UGT1A9: variants seen among roughly 807,000 people sequenced by gnomAD.
The protein encoded by UGT1A9 is UDP-glucuronosyltransferase 1A9.
A neutral mutation model predicts 45.0 loss-of-function variants in UGT1A9; 35 were observed. That is an observed-to-expected ratio of 0.78 (90% confidence interval 0.59 to 1.03). UGT1A9 has a LOEUF of 1.03. UGT1A9 is among the 50% of genes least tolerant of loss of function. UGT1A9 has a pLI of 0.00. For missense variants in UGT1A9, 687 were observed against 666.6 expected (o/e 1.03, Z -0.34); for synonymous variants, 278 against 250.6 (o/e 1.11, Z -1.03).
At chr2:233,693,417 T>A in intron 1 of UGT1A9, 1 of 1,614,112 alleles carries the variant, frequency 6.2e-7, no homozygotes, top group Non-Finnish European at 8.5e-7. Flanking sequence ...ACCCTGAACT[T>A]CTTTAAGGAG....
At chr2:233,673,483 C>T (rs2074259573) in intron 1 of UGT1A9, among the ~76,000 whole-genome samples, 2 of 152,030 alleles carry the variant, frequency 1.3e-5, no homozygotes, top group South Asian at 2.1e-4. Context: ...CATATTCTTG[C>T]TTTTATCTTA....
chr2:233,677,138 A>G (rs532182444), intron 1 of UGT1A9, among the ~76,000 whole-genome samples: 1 of 152,314 alleles, frequency 6.6e-6, no homozygotes, highest in Admixed American at 6.5e-5. Context: ...ACTGGGGAGA[A>G]ACAACATCTT....
intron 4 of UGT1A9, chr2:233,771,538 C>A (rs1369830347): frequency 1.3e-5 from 2 of 152,274 alleles, no homozygotes; most frequent in Non-Finnish European, 2.9e-5. Context: ...GGATTTGGCA[C>A]TTACAAATGG....
Position 233,729,304 on chromosome 2 carries a change from G to A in UGT1A9, c.856-37730G>A, listed in dbSNP as rs779287318. ...CCATGCCAGAGGCCACCAGGCAGTG[G>A]TCCTCACCCCAGAGGTGAATATGCA... is the stretch of plus-strand genomic sequence containing the variant. On this transcript the variant is annotated intron_variant, in intron 1 of 4. Transcript: ENST00000354728. 10 of 1,614,264 alleles carry A rather than the reference G, an allele frequency of 6.2e-6. No homozygotes were observed. In the South Asian group the frequency reaches 1.1e-4, roughly 18 times the overall value.
intron 1 of UGT1A9, among the ~76,000 whole-genome samples, chr2:233,738,666 G>A (rs919948655): frequency 6.6e-6 from 1 of 152,198 alleles, no homozygotes; most frequent in Non-Finnish European, 1.5e-5. Flanking sequence ...GAACTTGAGA[G>A]AGATGATCTG....
At chr2:233,708,414 C>A (rs2076017476) in intron 1 of UGT1A9, 1 of 152,100 alleles carries the variant, frequency 6.6e-6, no homozygotes, top group Admixed American at 6.6e-5. Flanking sequence ...AGTTGTTTCA[C>A]CAGTGAAGAT....
intron 1 of UGT1A9, among the ~76,000 whole-genome samples, chr2:233,678,518 CTG>C (rs973088303): frequency 5.3e-5 from 8 of 152,070 alleles, no homozygotes; most frequent in Admixed American, 5.2e-4. Flanking sequence ...TAATTACTGT[CTG>C]TTTTTTTCTC....
chr2:233,761,183 A>G (rs753887460), intron 1 of UGT1A9: 42 of 1,614,074 alleles, frequency 2.6e-5, no homozygotes, highest in Non-Finnish European at 3.5e-5. Context: ...TTACATGCGT[A>G]TATTCTTTCA....
In UGT1A9 at chr2:233,768,066, C is replaced by T; in HGVS notation, c.1075+130C>T. The T allele has an allele frequency of 1.9e-6, 3 of 1,597,468 alleles. No homozygotes were observed. In the Admixed American group the frequency reaches 5.2e-5, roughly 28 times the overall value. On this transcript the variant is annotated intron_variant, in intron 3 of 4. Coordinates refer to ENST00000354728, the MANE Select transcript of UGT1A9 (RefSeq NM_021027.3). ...CAACATATCCTACATTGCTTTTTAT[C>T]TAGTGGGGTATCTCAACCCACATTT...
chr2:233,735,046 T>C (rs895113176), intron 1 of UGT1A9, among the ~76,000 whole-genome samples: 2 of 152,242 alleles, frequency 1.3e-5, no homozygotes, highest in African/African-American at 4.8e-5. Flanking sequence ...GGTGCAGAGC[T>C]GAGTTCAGGT....
chr2:233,769,869 A>T lies in UGT1A9; in HGVS notation c.1295+1430A>T, dbSNP rs988879005. Reference sequence around the variant, plus strand: ...TGAGACCCTGTCTCAAAAAAAAAAAAAAAAATGAAAAGTCCACATAACCTG... The same window carrying T: ...TGAGACCCTGTCTCAAAAAAAAAAATAAAAATGAAAAGTCCACATAACCTG... On this transcript the variant is annotated intron_variant, in intron 4 of 4. Transcript: ENST00000354728. This position sits in a 1 kb window ranked among gnomAD's most constrained non-coding sequence, Gnocchi z 4.4. The T allele has an allele frequency of 3.7e-5, 17 of 465,504 alleles. No individual in the cohort carries two copies. Among genetic ancestry groups the T allele is most frequent in the Non-Finnish European group, 6.1e-5 (17 of 276,814 alleles). The allele number at this position is 465,504 out of a possible 1,614,324, so 28.8% of individuals were successfully genotyped here. A position where few individuals can be genotyped will look rare whatever the true frequency, so the allele number is the denominator to read the frequency against.
intron 1 of UGT1A9, chr2:233,691,054 G>A (rs1435812829): frequency 1.5e-5 from 15 of 987,344 alleles, no homozygotes; most frequent in African/African-American, 3.5e-5. Flanking sequence ...GCAGAGTGGA[G>A]GTCTAGTATA....
chr2:233,751,620 T>A (rs1457712151), intron 1 of UGT1A9, among the ~76,000 whole-genome samples: 2 of 152,180 alleles, frequency 1.3e-5, no homozygotes, highest in Non-Finnish European at 2.9e-5. Flanking sequence ...GGTGATTGGA[T>A]CATGTGTGCA....
At chr2:233,770,670 A>C (rs1409019520) in intron 4 of UGT1A9, 2 of 152,132 alleles carry the variant, frequency 1.3e-5, no homozygotes, top group Non-Finnish European at 2.9e-5. Flanking sequence ...TTAAAAAAAA[A>C]AAAAAGAAGG....
chr2:233,772,386 G>A lies in UGT1A9; in HGVS notation c.1420G>A (p.Ala474Thr), dbSNP rs765612353. 2.0e-5 allele frequency: 33 copies of A among 1,614,110 alleles called. No homozygotes were observed. Among genetic ancestry groups the A allele is most frequent in the Middle Eastern group, 1.6e-4 (1 of 6,084 alleles). ...CAAGGGCGCGCCACACCTGCGCCCC[G>A]CAGCCCACGACCTCACCTGGTACCA... The part of the protein sequence containing the change: ...RHKGAPHLRP[A>T]AHDLTWYQYH... Residue 474 changes from alanine to threonine, a missense_variant, in exon 5 of 5, where the codon GCA becomes ACA. Coordinates refer to ENST00000354728, the MANE Select transcript of UGT1A9 (RefSeq NM_021027.3).
Position 233,772,633 on chromosome 2 carries a change from T to G in UGT1A9, c.*74T>G. The G allele has an allele frequency of 6.4e-7, 1 of 1,555,996 alleles. No homozygotes were observed. Among genetic ancestry groups the G allele is most frequent in the Non-Finnish European group, 8.7e-7 (1 of 1,149,842 alleles). On this transcript the variant is annotated 3_prime_UTR_variant, in exon 5 of 5. Transcript: ENST00000354728. ...TCCAAACTTGAAAACAGAATCAGTG[T>G]TAAATTCATTTTATTCTTATTAAGG... is the stretch of plus-strand genomic sequence containing the variant.
At chr2:233,713,778 A>G (rs1288878856) in intron 1 of UGT1A9, 1 of 1,613,946 alleles carries the variant, frequency 6.2e-7, no homozygotes, top group East Asian at 2.2e-5. Flanking sequence ...GGACTTTGTG[A>G]TGGATTACCC....
intron 1 of UGT1A9, chr2:233,760,950 T>C: frequency 1.2e-6 from 2 of 1,614,226 alleles, no homozygotes; most frequent in East Asian, 2.2e-5. Context: ...CACAGAACTT[T>C]CTGTGCGACG....
chr2:233,759,815 C>T (rs1383098545), intron 1 of UGT1A9, among the ~76,000 whole-genome samples: 3 of 152,074 alleles, frequency 2.0e-5, no homozygotes, highest in Non-Finnish European at 4.4e-5. Flanking sequence ...CAGGCAGTAC[C>T]GGGGGAGCTG....
Sources: gnomAD v4.1 joint callset for allele counts (sites outside exome capture counted in the v4.1 genomes callset) on GRCh38, gnomAD v4.1.1 for gene constraint, Gnocchi (gnomAD v3.1) non-coding constraint, MANE v1.5 for transcripts, NCBI Gene and HGNC (gene_info 2026-07-23, HGNC 2026-07-21) for gene names.